AFF3: variants seen among roughly 807,000 people sequenced by gnomAD.
AFF3 encodes the protein ALF transcription elongation factor 3.
In AFF3, 32 loss-of-function variants were observed where a neutral mutation model predicts 129.7. The ratio of observed to expected loss-of-function variants is 0.25; its 90% CI spans 0.19 to 0.33. The LOEUF (loss-of-function observed/expected upper bound fraction) is 0.33. Ranked by LOEUF, AFF3 falls within the 10% of genes least tolerant of loss-of-function variation. The pLI is 1.00. For synonymous variants in AFF3, 644 were observed against 635.4 expected (o/e 1.01, Z -0.20); for missense variants, 1,373 against 1,592.0 (o/e 0.86, Z 2.34).
At chr2:99,649,817 G>A in intron 12 of AFF3, 151 bp from the exon 13 acceptor site, 1 of 770,490 alleles carries the variant, frequency 1.3e-6, no homozygotes, top group Non-Finnish European at 2.2e-6. Flanking sequence ...AGAGAGCACT[G>A]TTGTAAAATG....
At chr2:100,056,670 T>A (rs1165641723) in intron 4 of AFF3, among the ~76,000 whole-genome samples, 1 of 152,218 alleles carries the variant, frequency 6.6e-6, no homozygotes, top group African/African-American at 2.4e-5. Flanking sequence ...CTGATAAAGA[T>A]GATAAAATCA....
At chr2:100,075,239 C>A (rs1688495889) in intron 4 of AFF3, among the ~76,000 whole-genome samples, 1 of 152,100 alleles carries the variant, frequency 6.6e-6, no homozygotes, top group Admixed American at 6.5e-5. Flanking sequence ...TAAACCAGGG[C>A]AAACATCCCT....
intron 7 of AFF3, among the ~76,000 whole-genome samples, chr2:99,904,196 C>T (rs1450598442): frequency 2.0e-5 from 3 of 152,110 alleles, no homozygotes; most frequent in African/African-American, 7.2e-5. Flanking sequence ...AATGCTGGGC[C>T]TGTCAGGTCT....
chr2:100,042,231 C>G (rs914761347), intron 4 of AFF3, among the ~76,000 whole-genome samples: 1 of 152,200 alleles, frequency 6.6e-6, no homozygotes, highest in African/African-American at 2.4e-5. Context: ...GTTAACTCTC[C>G]GATCTCAGGT....
chr2:99,911,978 G>A (rs1397433786), intron 7 of AFF3, among the ~76,000 whole-genome samples: 2 of 152,158 alleles, frequency 1.3e-5, no homozygotes, highest in African/African-American at 4.8e-5. Context: ...GCAGGAGAAA[G>A]TGCCCAAATG....
intron 2 of AFF3, among the ~76,000 whole-genome samples, chr2:100,124,100 G>T (rs573315668): frequency 2.2e-3 from 335 of 152,202 alleles, no homozygotes; most frequent in African/African-American, 7.7e-3. Context: ...TAAAATATTT[G>T]GAAAATAAGC....
intron 11 of AFF3, among the ~76,000 whole-genome samples, chr2:99,685,357 C>A (rs1674953683): frequency 6.6e-6 from 1 of 152,186 alleles, no homozygotes; most frequent in Non-Finnish European, 1.5e-5. Context: ...TGCCAACATG[C>A]CTCTCTATAC....
intron 9 of AFF3, among the ~76,000 whole-genome samples, chr2:99,748,315 T>C (rs1349580983): frequency 3.9e-5 from 6 of 152,202 alleles, no homozygotes; most frequent in African/African-American, 1.4e-4. Context: ...AAATGTCTTC[T>C]GTAGGTAGGT....
chr2:99,929,752 C>T (rs776394265), intron 7 of AFF3, among the ~76,000 whole-genome samples: 3 of 152,214 alleles, frequency 2.0e-5, no homozygotes, highest in South Asian at 2.1e-4. Context: ...GTTTTGGGTA[C>T]AGCATTTTAC....
rs1398049291 is a variant in AFF3, at chr2:100,008,948, G to T, written c.54-16C>A. 2 of 1,612,934 alleles carry T rather than the reference G, an allele frequency of 1.2e-6. No individual in the cohort carries two copies. Among genetic ancestry groups the T allele is most frequent in the Admixed American group, 3.3e-5 (2 of 59,816 alleles). ...TTCATAGACACTGCATCAGGAAAAAGAAGAGAGAACAACCACACACACAAA... is the reference window on the plus strand; with the variant it reads ...TTCATAGACACTGCATCAGGAAAAATAAGAGAGAACAACCACACACACAAA... On this transcript the variant is annotated splice_polypyrimidine_tract_variant and intron_variant, in intron 4 of 24. Coordinates refer to ENST00000672756, the MANE Select transcript of AFF3 (RefSeq NM_001386135.1).
chr2:99,920,673 A>G (rs967422001), intron 7 of AFF3, among the ~76,000 whole-genome samples: 1 of 152,004 alleles, frequency 6.6e-6, no homozygotes, highest in Non-Finnish European at 1.5e-5. Context: ...TTTATTCAAC[A>G]TTGTATTGGA....
intron 11 of AFF3, among the ~76,000 whole-genome samples, chr2:99,696,305 G>T (rs1308043416): frequency 6.6e-6 from 1 of 152,130 alleles, no homozygotes; most frequent in African/African-American, 2.4e-5. Context: ...GCACGTTAGA[G>T]CATCAAGGCT....
chr2:100,082,776 T>C lies in AFF3; in HGVS notation c.53+21626A>G, dbSNP rs578195257. ...AAAGCCCTTGGGACATAGTGTGATATGCATTCCTATAAAATGGCTCTTGGC... is the reference window on the plus strand; with the variant it reads ...AAAGCCCTTGGGACATAGTGTGATACGCATTCCTATAAAATGGCTCTTGGC... On this transcript the variant is annotated intron_variant, in intron 4 of 24. Transcript: ENST00000672756. Among the ~76,000 whole-genome samples the C allele has an allele frequency of 5.9e-5, 9 of 152,310 alleles. No homozygotes were observed. In the East Asian group the frequency reaches 1.7e-3, roughly 29 times the overall value.
In AFF3 at chr2:99,625,207, T is replaced by C. The variant is rs147154927; in HGVS notation, c.1185-23586A>G. Among the ~76,000 whole-genome samples the C allele has an allele frequency of 5.9e-3, 900 of 152,356 alleles. 7 individuals carry two copies. The highest frequency in any genetic ancestry group is 0.018 in the East Asian group (91 of 5,186). On this transcript the variant is annotated intron_variant, in intron 13 of 24. Coordinates refer to ENST00000672756, the MANE Select transcript of AFF3 (RefSeq NM_001386135.1). ...ATTTCCAAGAAAGATCAAATACTTTTAGAGAATACTTTTTTCTTAACGGTC... is the reference window on the plus strand; with the variant it reads ...ATTTCCAAGAAAGATCAAATACTTTCAGAGAATACTTTTTTCTTAACGGTC...
At chr2:99,673,334 A>C (rs1687332721) in intron 11 of AFF3, among the ~76,000 whole-genome samples, 1 of 152,152 alleles carries the variant, frequency 6.6e-6, no homozygotes, top group East Asian at 1.9e-4. Flanking sequence ...CTTTCTGAAA[A>C]GCCTGTGAAG....
chr2:100,004,856 CACA>C (rs1681813316), intron 7 of AFF3, among the ~76,000 whole-genome samples: 1 of 150,264 alleles, frequency 6.7e-6, no homozygotes, highest in South Asian at 2.1e-4. Context: ...CACCCCCCTT[CACA>C]AAAAAAAAAA....
chr2:99,824,524 A>G (rs1687928020), intron 8 of AFF3, among the ~76,000 whole-genome samples: 1 of 152,254 alleles, frequency 6.6e-6, no homozygotes, highest in Non-Finnish European at 1.5e-5. Context: ...CTGCAATAAT[A>G]AAGAATGAAC....
At chr2:99,641,327 T>C (rs1338026683) in intron 13 of AFF3, among the ~76,000 whole-genome samples, 2 of 151,832 alleles carry the variant, frequency 1.3e-5, no homozygotes, top group African/African-American at 4.8e-5. Context: ...AGACTGGGGG[T>C]GAATTACCTG....
chr2:99,993,490 C>A (rs1467998716), intron 7 of AFF3, among the ~76,000 whole-genome samples: 1 of 151,652 alleles, frequency 6.6e-6, no homozygotes, highest in African/African-American at 2.4e-5. Context: ...AATTATATAA[C>A]CACATGCTGG....
Sources: allele counts gnomAD v4.1 joint callset (sites outside exome capture counted in the v4.1 genomes callset), GRCh38; gene constraint gnomAD v4.1.1; transcripts MANE v1.5; gene names NCBI Gene and HGNC (gene_info 2026-07-23, HGNC 2026-07-21).